Variants in FAM200B observed in about 807,000 individuals in gnomAD.
The protein encoded by FAM200B is protein FAM200B.
In FAM200B, 32 loss-of-function variants were observed where a neutral mutation model predicts 33.1. The observed-to-expected ratio is 0.97, with a 90% CI of 0.73 to 1.30. FAM200B has a LOEUF of 1.30. Among genes scored for constraint, FAM200B ranks in the 50% most tolerant of loss-of-function variants. The pLI is 0.00. For missense variants in FAM200B, 741 were observed against 754.0 expected, an observed-to-expected ratio of 0.98 and a Z score of 0.20; for synonymous variants, 240 against 264.8, an observed-to-expected ratio of 0.91 and a Z score of 0.91.
At chr4:15,640,944 C>G in the FAM200B span, 4 of 889,352 alleles carry the variant, frequency 4.5e-6, no homozygotes, top group South Asian at 7.6e-5. Context: ...TATGTCTGGT[C>G]CCAGGAAGTT....
chr4:15,640,662 A>G, the FAM200B span: 1 of 459,888 alleles, frequency 2.2e-6, no homozygotes, highest in Admixed American at 4.1e-5. Context: ...TTTCCCAAAA[A>G]GAACTGCGTT....
At chr4:15,683,265 C>T (rs1286420020) in intron 1 of FAM200B, among the ~76,000 whole-genome samples, 2 of 152,064 alleles carry the variant, frequency 1.3e-5, no homozygotes, top group African/African-American at 2.4e-5. Context: ...TTTTCTACTT[C>T]GGCCTCTTAC....
chr4:15,682,463 C>G (rs1718398672), intron 1 of FAM200B, among the ~76,000 whole-genome samples: 1 of 152,186 alleles, frequency 6.6e-6, no homozygotes, highest in Non-Finnish European at 1.5e-5. Context: ...AGTCCTTTGT[C>G]AGCTCTACCC....
At chr4:15,649,124 C>T in the FAM200B span, among the ~76,000 whole-genome samples, 1 of 151,600 alleles carries the variant, frequency 6.6e-6, no homozygotes, top group African/African-American at 2.4e-5. Flanking sequence ...TATATTAAAT[C>T]CTCAACATGT....
the FAM200B span, among the ~76,000 whole-genome samples, chr4:15,658,657 C>G: frequency 6.6e-6 from 1 of 152,172 alleles, no homozygotes; most frequent in Non-Finnish European, 1.5e-5. Flanking sequence ...GCCCCTTGAC[C>G]ATAGACTTCT....
chr4:15,654,655 G>A, the FAM200B span, among the ~76,000 whole-genome samples: 1 of 152,230 alleles, frequency 6.6e-6, no homozygotes, highest in African/African-American at 2.4e-5. Flanking sequence ...AAGAAAGCCG[G>A]GGGTAAAAGG....
chr4:15,658,261 C>T, the FAM200B span, among the ~76,000 whole-genome samples: 1 of 152,244 alleles, frequency 6.6e-6, no homozygotes, highest in South Asian at 2.1e-4. Context: ...CAGTTGGAAT[C>T]ATAGTCCTCA....
At chr4:15,657,573 T>C in the FAM200B span, among the ~76,000 whole-genome samples, 3 of 152,216 alleles carry the variant, frequency 2.0e-5, no homozygotes, top group Non-Finnish European at 4.4e-5. Flanking sequence ...AGCTGAAAAG[T>C]AGTAACAGCC....
chr4:15,676,366 A>G, the FAM200B span, among the ~76,000 whole-genome samples: 493 of 152,306 alleles, frequency 3.2e-3, 3 homozygotes, highest in Middle Eastern at 0.01. Flanking sequence ...TTGTATGAGG[A>G]TGGAAACAGC....
chr4:15,656,952 CCA>C, the FAM200B span, among the ~76,000 whole-genome samples: 1 of 150,064 alleles, frequency 6.7e-6, no homozygotes, highest in South Asian at 2.1e-4. Context: ...GACAGTACCC[CCA>C]GAGTCATTGC....
chr4:15,644,413 A>T, the FAM200B span: 2 of 1,130,388 alleles, frequency 1.8e-6, no homozygotes, highest in Non-Finnish European at 2.6e-6. Context: ...ATTTACTATA[A>T]AACAGTGACA....
At chr4:15,671,470 T>C in the FAM200B span, among the ~76,000 whole-genome samples, 1 of 151,808 alleles carries the variant, frequency 6.6e-6, no homozygotes, top group Non-Finnish European at 1.5e-5. Flanking sequence ...ACAGGGTCTC[T>C]CCACATTGCC....
chr4:15,673,127 T>C, the FAM200B span, among the ~76,000 whole-genome samples: 1 of 152,008 alleles, frequency 6.6e-6, no homozygotes, highest in South Asian at 2.1e-4. Context: ...AAAATATACA[T>C]AGGTAGAAAA....
At chr4:15,644,342 TTAAA>T in the FAM200B span, 1 of 656,514 alleles carries the variant, frequency 1.5e-6, no homozygotes. Context: ...GTAGTTCTTT[TTAAA>T]TAGTCTTCCT....
the FAM200B span, chr4:15,655,538 T>C: frequency 8.2e-6 from 2 of 244,732 alleles, no homozygotes; most frequent in Non-Finnish European, 1.3e-5. Flanking sequence ...TCGTTTTTTG[T>C]CGTCTTCATA....
At position 15,686,730 on chromosome 4, in the gene FAM200B, A is replaced by G. The variant is rs1452402410; in HGVS notation, c.-248A>G. ...TGAATAGAATGTATATTGGCTAAGA[A>G]ATGGTTTTCAGTCATTGATTCCTGG... On this transcript the variant is annotated 5_prime_UTR_variant, in exon 2 of 2. Transcript: ENST00000422728. The G allele has an allele frequency of 3.7e-6, 1 of 268,758 alleles. No homozygotes were observed. The highest frequency in any genetic ancestry group is 7.0e-6 in the Non-Finnish European group (1 of 143,252). The allele number at this position is 268,758 out of a possible 1,614,324, so 16.6% of individuals were successfully genotyped here. A position where few individuals can be genotyped will look rare whatever the true frequency, so the allele number is the denominator to read the frequency against.
the FAM200B span, chr4:15,644,759 C>G: frequency 6.8e-6 from 9 of 1,327,232 alleles, no homozygotes; most frequent in Non-Finnish European, 9.4e-6. Flanking sequence ...CAAATATGCA[C>G]AAATAAAAAA....
At chr4:15,650,698 C>T in the FAM200B span, among the ~76,000 whole-genome samples, 2 of 123,906 alleles carry the variant, frequency 1.6e-5, no homozygotes, top group South Asian at 2.8e-4. Flanking sequence ...GACAGAGTCT[C>T]ACTCTGTCGC....
chr4:15,681,814 G>A (rs994845431), upstream of FAM200B: 1 of 152,958 alleles, frequency 6.5e-6, no homozygotes, highest in African/African-American at 2.4e-5. Flanking sequence ...GCGGAGGGAA[G>A]TGTGGGGAGA....
Sources: allele counts gnomAD v4.1 joint callset (sites outside exome capture counted in the v4.1 genomes callset), GRCh38; gene constraint gnomAD v4.1.1; transcripts MANE v1.5; gene names NCBI Gene and HGNC (gene_info 2026-07-23, HGNC 2026-07-21).